Variants in KIDINS220 observed in about 807,000 individuals in gnomAD.
The protein encoded by KIDINS220 is kinase D interacting substrate 220, also known as kinase D-interacting substrate of 220 kDa.
Under a neutral mutation model 157.6 loss-of-function variants are expected in KIDINS220, and 63 were observed. The observed-to-expected ratio is 0.40, with a 90% CI of 0.33 to 0.49. The LOEUF (loss-of-function observed/expected upper bound fraction) is 0.49. Among genes scored for constraint, KIDINS220 ranks in the 20% least tolerant of loss-of-function variants. The pLI is 0.66. For missense variants in KIDINS220, 1,772 were observed against 2,171.2 expected (o/e 0.82, Z 3.65); for synonymous variants, 732 against 783.6 (o/e 0.93, Z 1.10).
rs1194721205 is a variant in KIDINS220 at position 8,801,302 on chromosome 2, T to G, written c.802-804A>C. 2.6e-5 allele frequency among the ~76,000 whole-genome samples: 4 copies of G among 152,226 alleles called. No homozygotes were observed. In the South Asian group the frequency reaches 8.3e-4, roughly 31 times the overall value. On this transcript the variant is annotated intron_variant, in intron 8 of 29. Transcript: ENST00000256707. ...TCCTGAGTGGACCTTAAAAGTACTA[T>G]GAAATAAATCAGGATGCAGGTCCTT...
chr2:8,801,332 G>T (rs1674656336), intron 8 of KIDINS220, among the ~76,000 whole-genome samples: 1 of 152,148 alleles, frequency 6.6e-6, no homozygotes, highest in Non-Finnish European at 1.5e-5. Context: ...GTCCTTAAGG[G>T]TTATTAAGTT....
At chr2:8,819,370 G>C (rs187730800) in intron 2 of KIDINS220, among the ~76,000 whole-genome samples, 3 of 152,298 alleles carry the variant, frequency 2.0e-5, no homozygotes, top group African/African-American at 7.2e-5. Flanking sequence ...ATGAGTCACA[G>C]GAGTACAGAG....
chr2:8,747,022 C>G, intron 26 of KIDINS220, 123 bp downstream of exon 26: 1 of 785,332 alleles, frequency 1.3e-6, no homozygotes, highest in Non-Finnish European at 2.2e-6. Context: ...CTACTCTACA[C>G]TAGCTGCTCA....
intron 28 of KIDINS220, among the ~76,000 whole-genome samples, chr2:8,734,184 G>T (rs937988284): frequency 6.6e-6 from 1 of 151,904 alleles, no homozygotes; most frequent in Non-Finnish European, 1.5e-5. Flanking sequence ...CTCTTGGTAC[G>T]CCGATGGCCA....
intron 27 of KIDINS220, among the ~76,000 whole-genome samples, chr2:8,735,440 G>A (rs1367885854): frequency 6.6e-6 from 1 of 152,152 alleles, no homozygotes; most frequent in Non-Finnish European, 1.5e-5. Context: ...GCTGAGGCAG[G>A]AGGATCGCTT....
At chr2:8,735,006 T>C (rs1664668592) in intron 27 of KIDINS220, among the ~76,000 whole-genome samples, 1 of 152,208 alleles carries the variant, frequency 6.6e-6, no homozygotes. Flanking sequence ...AACCCTCCTA[T>C]TTCCAAAACT....
At chr2:8,805,850 A>G (rs1675365198) in intron 7 of KIDINS220, among the ~76,000 whole-genome samples, 1 of 152,222 alleles carries the variant, frequency 6.6e-6, no homozygotes, top group South Asian at 2.1e-4. Context: ...CCTAGAAGCA[A>G]CAGGCCATAC....
intron 9 of KIDINS220, 95 bp from the exon 10 acceptor site, chr2:8,798,395 CA>C: frequency 1.4e-6 from 1 of 699,792 alleles, no homozygotes; most frequent in Non-Finnish European, 2.5e-6. Context: ...GAAAGCATTC[CA>C]ACAGGCAGCA....
intron 12 of KIDINS220, among the ~76,000 whole-genome samples, chr2:8,791,704 C>A (rs1315399041): frequency 6.6e-6 from 1 of 151,894 alleles, no homozygotes; most frequent in Non-Finnish European, 1.5e-5. Flanking sequence ...AATACCTATA[C>A]AAAGAAAGTT....
intron 22 of KIDINS220, among the ~76,000 whole-genome samples, chr2:8,767,458 G>C (rs1448217799): frequency 6.6e-6 from 1 of 152,152 alleles, no homozygotes; most frequent in Non-Finnish European, 1.5e-5. Flanking sequence ...TCAGTACAAA[G>C]GATGGACTTT....
intron 2 of KIDINS220, among the ~76,000 whole-genome samples, chr2:8,819,669 C>CA (rs1197234609): frequency 1.3e-5 from 2 of 151,788 alleles, no homozygotes; most frequent in African/African-American, 2.4e-5. Flanking sequence ...ACTAAAAATA[C>CA]AAAAAATTAG....
rs150396643 is a variant in KIDINS220, at chr2:8,733,663, G to T, written c.3834C>A (p.Asn1278Lys). Residue 1278 changes from asparagine to lysine, a missense_variant, in exon 29 of 30, where the codon AAC becomes AAA. By Grantham distance (94) the Asn-to-Lys change is moderately conservative. Coordinates refer to ENST00000256707, the MANE Select transcript of KIDINS220 (RefSeq NM_020738.4). ...LFRSTVLEMR[N>K]AESHVVPEDP... is the part of the protein sequence containing the mutation. Reference sequence around the variant, plus strand: ...CTTCAGGGACCACGTGGCTTTCTGCGTTTCTCATTTCTAGTACCTTAACAG... The same window carrying T: ...CTTCAGGGACCACGTGGCTTTCTGCTTTTCTCATTTCTAGTACCTTAACAG... 1.3e-6 allele frequency: 2 copies of T among 1,578,032 alleles called. No individual in the cohort carries two copies. Among genetic ancestry groups the T allele is most frequent in the South Asian group, 1.2e-5 (1 of 86,454 alleles).
At chr2:8,796,680 C>G in intron 11 of KIDINS220, 91 bp downstream of exon 11, 1 of 984,036 alleles carries the variant, frequency 1.0e-6, no homozygotes. Flanking sequence ...CCCACACAAC[C>G]TAAAATCAGA....
At chr2:8,823,191 G>T (rs1234617917) in intron 2 of KIDINS220, among the ~76,000 whole-genome samples, 1 of 151,992 alleles carries the variant, frequency 6.6e-6, no homozygotes, top group East Asian at 1.9e-4. Flanking sequence ...CAAACTCCTA[G>T]GCTCAAGAGA....
At chr2:8,757,572 T>C (rs1668171587) in intron 22 of KIDINS220, 2 of 1,527,148 alleles carry the variant, frequency 1.3e-6, no homozygotes, top group South Asian at 2.5e-5. Context: ...CCAGTACCTC[T>C]GGTTGCTGAA....
intron 6 of KIDINS220, among the ~76,000 whole-genome samples, chr2:8,811,996 C>A (rs563363996): frequency 1.3e-5 from 2 of 152,132 alleles, no homozygotes; most frequent in African/African-American, 4.8e-5. Context: ...ACCCATCATA[C>A]CAGAGATGGT....
At chr2:8,756,441 A>G (rs1359840262) in intron 22 of KIDINS220, among the ~76,000 whole-genome samples, 2 of 152,224 alleles carry the variant, frequency 1.3e-5, no homozygotes, top group Admixed American at 6.5e-5. Flanking sequence ...TGCCTGTCCA[A>G]TTGCAATGGC....
At chr2:8,739,726 C>T (rs892294142) in intron 26 of KIDINS220, among the ~76,000 whole-genome samples, 1 of 152,014 alleles carries the variant, frequency 6.6e-6, no homozygotes, top group Non-Finnish European at 1.5e-5. Context: ...CAAGAAGAGA[C>T]CATTTTAGCG....
In KIDINS220 at chr2:8,787,870, A is replaced by T. The variant is rs202074945; in HGVS notation, c.1787+777T>A. 8.6e-5 allele frequency among the ~76,000 whole-genome samples: 13 copies of T among 151,980 alleles called. No homozygotes were observed. The East Asian group carries it at 2.5e-3, about 29-fold the overall frequency. On this transcript the variant is annotated intron_variant, in intron 15 of 29. Transcript: ENST00000256707. Reference sequence around the variant, plus strand: ...AATAATTTTAGACAGACATGTGAATATATTTCCTGAGCTGAGAAAAGCACA... The same window carrying T: ...AATAATTTTAGACAGACATGTGAATTTATTTCCTGAGCTGAGAAAAGCACA...
Sources: allele counts gnomAD v4.1 joint callset (sites outside exome capture counted in the v4.1 genomes callset), GRCh38; gene constraint gnomAD v4.1.1; transcripts MANE v1.5; gene names NCBI Gene and HGNC (gene_info 2026-07-23, HGNC 2026-07-21).